SHISA9: variants seen among roughly 807,000 people sequenced by gnomAD.
The protein encoded by SHISA9 is protein shisa-9.
In SHISA9, 13 loss-of-function variants were observed where a neutral mutation model predicts 38.0. That is an observed-to-expected ratio of 0.34 (90% CI 0.22 to 0.54). The LOEUF (loss-of-function observed/expected upper bound fraction) is 0.54, where lower values mean the gene tolerates loss of function less well. Ranked by LOEUF, SHISA9 falls within the 20% of genes least tolerant of loss-of-function variation. SHISA9 has a pLI of 0.91. For missense variants in SHISA9, 538 were observed against 575.8 expected, an observed-to-expected ratio of 0.93 and a Z score of 0.67; for synonymous variants, 275 against 242.0, an observed-to-expected ratio of 1.14 and a Z score of -1.27.
intron 2 of SHISA9, among the ~76,000 whole-genome samples, chr16:13,132,301 G>A (rs1375626606): frequency 6.6e-6 from 1 of 152,144 alleles, no homozygotes; most frequent in African/African-American, 2.4e-5. Flanking sequence ...TAAATGTAAA[G>A]CACTTAGAAG....
intron 2 of SHISA9, among the ~76,000 whole-genome samples, chr16:13,085,064 C>T (rs902165662): frequency 5.9e-5 from 9 of 151,992 alleles, no homozygotes; most frequent in African/African-American, 2.2e-4. Context: ...GTTTGTGGGG[C>T]AGGTAATAGG....
At chr16:13,161,046 G>C (rs1236873321) in intron 2 of SHISA9, among the ~76,000 whole-genome samples, 1 of 152,138 alleles carries the variant, frequency 6.6e-6, no homozygotes, top group African/African-American at 2.4e-5. Context: ...TAATTTGCAG[G>C]AAAAGGCACA....
At chr16:13,482,456 C>T in the SHISA9 span, among the ~76,000 whole-genome samples, 1 of 152,190 alleles carries the variant, frequency 6.6e-6, no homozygotes. Flanking sequence ...ACAGTTATGT[C>T]ATTAATAGCT....
chr16:13,394,265 C>T, the SHISA9 span, among the ~76,000 whole-genome samples: 2 of 152,224 alleles, frequency 1.3e-5, no homozygotes, highest in African/African-American at 4.8e-5. Flanking sequence ...AGAAGAGATA[C>T]AGCCCCTCTA....
At chr16:13,305,718 C>T in the SHISA9 span, among the ~76,000 whole-genome samples, 18 of 152,274 alleles carry the variant, frequency 1.2e-4, no homozygotes, top group South Asian at 3.5e-3. Flanking sequence ...TGAGGGACCC[C>T]GACTCAAATA....
chr16:13,196,087 CAAAAAAA>C (rs1172680715), intron 2 of SHISA9, among the ~76,000 whole-genome samples: 73 of 14,124 alleles, frequency 5.2e-3, no homozygotes, highest in African/African-American at 0.022. Context: ...GACTCTCTCT[CAAAAAAA>C]AAAAAAAAAA....
At chr16:13,094,482 T>G (rs572952344) in intron 2 of SHISA9, among the ~76,000 whole-genome samples, 2 of 152,294 alleles carry the variant, frequency 1.3e-5, no homozygotes, top group South Asian at 4.1e-4. Flanking sequence ...TCCCCCAAAC[T>G]AATTCACTTT....
At chr16:13,211,686 T>G (rs2051121515) in intron 3 of SHISA9, among the ~76,000 whole-genome samples, 1 of 152,224 alleles carries the variant, frequency 6.6e-6, no homozygotes, top group Non-Finnish European at 1.5e-5. Context: ...AATGCCCTAT[T>G]GTCAATGAAC....
At chr16:13,262,678 G>GAGGGAGGAAGGAAGGAAGGAAGGA in the SHISA9 span, among the ~76,000 whole-genome samples, 1 of 55,864 alleles carries the variant, frequency 1.8e-5, no homozygotes, top group Non-Finnish European at 3.4e-5. Flanking sequence ...GGAAGGGAGG[G>GAGGGAGGAAGGAAGGAAGGAAGGA]AGGAAGGAAG....
At chr16:13,181,335 A>G (rs1330605581) in intron 2 of SHISA9, among the ~76,000 whole-genome samples, 2 of 145,914 alleles carry the variant, frequency 1.4e-5, no homozygotes, top group African/African-American at 5.0e-5. Flanking sequence ...ACACACACAC[A>G]TATACGAGCA....
chr16:13,149,364 G>A (rs2050476935), intron 2 of SHISA9, among the ~76,000 whole-genome samples: 1 of 152,128 alleles, frequency 6.6e-6, no homozygotes, highest in Non-Finnish European at 1.5e-5. Context: ...AATGCCTTGG[G>A]TTTTGTGGTT....
chr16:12,909,014 C>T, intron 1 of SHISA9: 1 of 998,062 alleles, frequency 1.0e-6, no homozygotes, highest in Non-Finnish European at 1.2e-6. Flanking sequence ...CCTCCTCTTG[C>T]CTTTTGCCTT....
intron 2 of SHISA9, among the ~76,000 whole-genome samples, chr16:13,083,607 A>G (rs185158496): frequency 6.6e-6 from 1 of 152,326 alleles, no homozygotes; most frequent in Non-Finnish European, 1.5e-5. Context: ...CATCAATTGC[A>G]TCTCAGAGCT....
At chr16:13,469,320 G>GAGAGAGAGAGAGAA in the SHISA9 span, among the ~76,000 whole-genome samples, 8 of 61,618 alleles carry the variant, frequency 1.3e-4, no homozygotes, top group African/African-American at 6.2e-4. Flanking sequence ...GAGAGAGAGA[G>GAGAGAGAGAGAGAA]AGAAAGAAAG....
At chr16:13,454,953 GCTATCT>G in the SHISA9 span, among the ~76,000 whole-genome samples, 1 of 152,242 alleles carries the variant, frequency 6.6e-6, no homozygotes, top group Middle Eastern at 3.4e-3. Context: ...TTAGTGGAAT[GCTATCT>G]GTGTCCTTGG....
chr16:13,123,116 A>G (rs1029468948), intron 2 of SHISA9, among the ~76,000 whole-genome samples: 2 of 150,846 alleles, frequency 1.3e-5, no homozygotes, highest in Admixed American at 1.3e-4. Context: ...TGTAATGCAA[A>G]TAAACAGGAT....
At chr16:13,326,066 A>AT in the SHISA9 span, among the ~76,000 whole-genome samples, 140 of 149,220 alleles carry the variant, frequency 9.4e-4, 1 homozygote, top group Admixed American at 3.8e-3. Context: ...TTAAAGTCAA[A>AT]TTAAAAAAAA....
chr16:13,422,396 T>C, the SHISA9 span, among the ~76,000 whole-genome samples: 1 of 152,180 alleles, frequency 6.6e-6, no homozygotes, highest in Non-Finnish European at 1.5e-5. Context: ...CACTGACTGA[T>C]ATAAGACAAT....
chr16:12,969,892 G>A (rs1224898686), intron 2 of SHISA9, among the ~76,000 whole-genome samples: 2 of 152,034 alleles, frequency 1.3e-5, no homozygotes, highest in African/African-American at 2.4e-5. Context: ...AATGTAGAAC[G>A]TGCAAAACAA....
Sources: allele counts gnomAD v4.1 joint callset (sites outside exome capture counted in the v4.1 genomes callset), GRCh38; gene constraint gnomAD v4.1.1; transcripts MANE v1.5; gene names NCBI Gene and HGNC (gene_info 2026-07-23, HGNC 2026-07-21).